Variants in FBXW7 observed in about 807,000 individuals in gnomAD.
FBXW7 encodes the protein F-box and WD repeat domain containing 7, also known as F-box/WD repeat-containing protein 7.
Under a neutral mutation model 86.3 loss-of-function variants are expected in FBXW7, and 11 were observed. The observed-to-expected ratio is 0.13, with a 90% confidence interval of 0.08 to 0.21. FBXW7 has a LOEUF of 0.21. FBXW7 is among the 10% of genes least tolerant of loss of function. The pLI is 1.00. For synonymous variants in FBXW7, 313 were observed against 297.9 expected, an observed-to-expected ratio of 1.05 and a Z score of -0.52; for missense variants, 488 against 847.4, an observed-to-expected ratio of 0.58 and a Z score of 5.27.
chr4:152,497,848 T>C (rs1448743809), intron 2 of FBXW7, among the ~76,000 whole-genome samples: 1 of 152,226 alleles, frequency 6.6e-6, no homozygotes, highest in Non-Finnish European at 1.5e-5. Context: ...AGAACTGCAT[T>C]ATCTCTATAA....
At position 152,534,050 on chromosome 4, in the gene FBXW7, C is replaced by G. The variant is rs1750246129; in HGVS notation, c.-120+891G>C. On this transcript the variant is annotated intron_variant, in intron 2 of 13. Coordinates refer to ENST00000281708, the MANE Select transcript of FBXW7 (RefSeq NM_001349798.2). ...AGGTCTGTATATGAAATATTAATTA[C>G]TTTCATAAACCTTTAATTTGGTACT... Among the ~76,000 whole-genome samples the G allele has an allele frequency of 2.0e-5, 3 of 152,086 alleles. No homozygotes were observed. In the South Asian group the frequency reaches 6.2e-4, roughly 32 times the overall value.
At chr4:152,452,162 T>C (rs1263189596) in intron 2 of FBXW7, among the ~76,000 whole-genome samples, 2 of 152,234 alleles carry the variant, frequency 1.3e-5, no homozygotes, top group Non-Finnish European at 2.9e-5. Flanking sequence ...TTAGCTGTTA[T>C]TTTTAAATAA....
intron 2 of FBXW7, among the ~76,000 whole-genome samples, chr4:152,527,865 T>TACACACACACAC (rs149379203): frequency 1.2e-4 from 17 of 137,396 alleles, no homozygotes; most frequent in East Asian, 2.1e-4. Context: ...AAAAATTATA[T>TACACACACACAC]ACACACACAC....
intron 4 of FBXW7, among the ~76,000 whole-genome samples, chr4:152,405,834 T>C (rs892922672): frequency 6.6e-6 from 1 of 152,136 alleles, no homozygotes; most frequent in South Asian, 2.1e-4. Context: ...ATGGGACCTA[T>C]TGAGAGGGAA....
At chr4:152,331,419 A>C (rs955617048) in intron 8 of FBXW7, among the ~76,000 whole-genome samples, 32 of 152,236 alleles carry the variant, frequency 2.1e-4, no homozygotes, top group Non-Finnish European at 3.2e-4. Flanking sequence ...ATGCTATGAC[A>C]TGGATGAACC....
At chr4:152,365,648 G>T (rs1464733550) in intron 4 of FBXW7, among the ~76,000 whole-genome samples, 3 of 152,130 alleles carry the variant, frequency 2.0e-5, no homozygotes, top group Non-Finnish European at 4.4e-5. Context: ...GGGTTAGTTG[G>T]TTGTTTTTTG....
intron 2 of FBXW7, among the ~76,000 whole-genome samples, chr4:152,479,663 T>C (rs190412835): frequency 6.6e-6 from 1 of 152,214 alleles, no homozygotes. Context: ...TAGATAAACA[T>C]TAGGCAAGAA....
chr4:152,419,135 T>TA (rs1738714846), intron 2 of FBXW7, among the ~76,000 whole-genome samples: 1 of 152,104 alleles, frequency 6.6e-6, no homozygotes, highest in African/African-American at 2.4e-5. Context: ...TTTAGCAGCT[T>TA]TACTATTCAA....
At chr4:152,438,004 G>T (rs1351632251) in intron 2 of FBXW7, among the ~76,000 whole-genome samples, 1 of 151,954 alleles carries the variant, frequency 6.6e-6, no homozygotes, top group Non-Finnish European at 1.5e-5. Context: ...GTGAAACCCG[G>T]TCTCTACTAA....
At chr4:152,513,207 G>T (rs1012844210) in intron 2 of FBXW7, among the ~76,000 whole-genome samples, 1 of 151,946 alleles carries the variant, frequency 6.6e-6, no homozygotes, top group Non-Finnish European at 1.5e-5. Flanking sequence ...AAATTATGCC[G>T]GCCTGAATTG....
intron 4 of FBXW7, chr4:152,382,429 A>C: frequency 8.0e-7 from 1 of 1,250,678 alleles, no homozygotes; most frequent in South Asian, 3.9e-5. Context: ...ATATATATTT[A>C]ATAATAGTTT....
chr4:152,322,324 C>CA lies in FBXW7; in HGVS notation c.*556dup, dbSNP rs3841114. 0.079 allele frequency: 13,125 copies of CA among 165,150 alleles called. 550 individuals are homozygous for CA. The highest frequency in any genetic ancestry group is 0.13 in the Admixed American group (1,605 of 12,598). 10.2% of individuals were successfully genotyped at this position (165,150 alleles called of 1,614,324 possible). A position where few individuals can be genotyped will look rare whatever the true frequency, so the allele number is the denominator to read the frequency against. On this transcript the variant is annotated 3_prime_UTR_variant, in exon 14 of 14. Transcript: ENST00000281708. ...ATTGATTGACATTGGCAATGGTTGG[C>CA]AAAAAAAAAAAAAAAAAAGCTTTTC... is the stretch of plus-strand genomic sequence containing the variant.
At chr4:152,331,894 A>C (rs1729595735) in intron 8 of FBXW7, among the ~76,000 whole-genome samples, 1 of 152,012 alleles carries the variant, frequency 6.6e-6, no homozygotes, top group African/African-American at 2.4e-5. Context: ...TGACAAACCA[A>C]GCACCCTGGA....
At chr4:152,425,768 T>G (rs901792710) in intron 2 of FBXW7, among the ~76,000 whole-genome samples, 3 of 152,156 alleles carry the variant, frequency 2.0e-5, no homozygotes, top group African/African-American at 7.2e-5. Context: ...TTCTAACTTA[T>G]GTACTGGCAC....
chr4:152,533,196 A>C (rs1168366244), intron 2 of FBXW7, among the ~76,000 whole-genome samples: 1 of 152,216 alleles, frequency 6.6e-6, no homozygotes, highest in Middle Eastern at 3.4e-3. Context: ...TCTCAAAAAA[A>C]AAAAAAATAC....
chr4:152,422,976 T>C (rs962845989), intron 2 of FBXW7, among the ~76,000 whole-genome samples: 1 of 152,224 alleles, frequency 6.6e-6, no homozygotes, highest in Admixed American at 6.5e-5. Context: ...CTTTTCGTAG[T>C]GTAGATTTGA....
chr4:152,512,451 G>A lies in FBXW7; in HGVS notation c.-120+22490C>T, dbSNP rs991767473. Reference sequence around the variant, plus strand: ...TGGAGGACGATATTAAGAAATTAATGTTCTTGAAGAATGAATGTGATCTCA... The same window carrying A: ...TGGAGGACGATATTAAGAAATTAATATTCTTGAAGAATGAATGTGATCTCA... On this transcript the variant is annotated intron_variant, in intron 2 of 13. Coordinates refer to ENST00000281708, the MANE Select transcript of FBXW7 (RefSeq NM_001349798.2). 5.3e-5 allele frequency among the ~76,000 whole-genome samples: 8 copies of A among 152,300 alleles called. 1 individual carries two copies. Among genetic ancestry groups the A allele is most frequent in the Admixed American group, 4.6e-4 (7 of 15,302 alleles).
chr4:152,383,063 A>C (rs1390642119), intron 4 of FBXW7, among the ~76,000 whole-genome samples: 1 of 152,142 alleles, frequency 6.6e-6, no homozygotes, highest in East Asian at 1.9e-4. Context: ...ACTTCAGATT[A>C]ATCTTTGTAC....
rs769870370 is a variant in FBXW7, at chr4:152,411,322, A to G, written c.482T>C (p.Phe161Ser). The change falls in exon 4 of 14, where the codon TTC becomes TCC. Residue 161 changes from phenylalanine (F) to serine (S), a missense_variant. Physicochemically the swap from Phe to Ser is radical, Grantham distance 155. Around this residue, in one of 4 missense-constraint regions of FBXW7, gnomAD observed 230 missense variants for 240.0 expected, o/e 0.96. Coordinates refer to ENST00000281708, the MANE Select transcript of FBXW7 (RefSeq NM_001349798.2). ...DLPVHQLSSP[F>S]YTKTTKMKRK... The stretch of plus-strand genomic sequence containing the variant: ...ACTCACTTTTGTTGTTTTTGTATAG[A>G]ATGGGGAGGAGAGTTGGTGAACGGG... 9 of 1,607,506 alleles carry G rather than the reference A, an allele frequency of 5.6e-6. No individual in the cohort carries two copies. Among genetic ancestry groups the G allele is most frequent in the Non-Finnish European group, 6.8e-6 (8 of 1,176,484 alleles).
Sources: gnomAD v4.1 joint callset for allele counts (sites outside exome capture counted in the v4.1 genomes callset) on GRCh38, gnomAD v4.1.1 for gene constraint, gnomAD v4.1.1 regional missense constraint, MANE v1.5 for transcripts, NCBI Gene and HGNC (gene_info 2026-07-23, HGNC 2026-07-21) for gene names.